TENM4: variants seen among roughly 807,000 people sequenced by gnomAD.
TENM4 encodes teneurin-4.
In TENM4, 82 loss-of-function variants were observed where a neutral mutation model predicts 243.3. The observed-to-expected ratio is 0.34, with a 90% confidence interval of 0.28 to 0.40. TENM4 has a LOEUF of 0.40. TENM4 is among the 10% of genes least tolerant of loss of function. TENM4 has a pLI of 1.00. For missense variants in TENM4, 3,138 were observed against 3,673.3 expected (o/e 0.85, Z 3.77); for synonymous variants, 1,412 against 1,456.3 (o/e 0.97, Z 0.69).
intron 2 of TENM4, among the ~76,000 whole-genome samples, chr11:79,222,708 G>A (rs1864185959): frequency 6.6e-6 from 1 of 152,218 alleles, no homozygotes; most frequent in South Asian, 2.1e-4. Context: ...TGACTGGTGT[G>A]AGATGGTATC....
intron 3 of TENM4, among the ~76,000 whole-genome samples, chr11:79,202,222 T>G (rs1441376014): frequency 2.0e-5 from 3 of 152,126 alleles, no homozygotes; most frequent in Non-Finnish European, 2.9e-5. Context: ...GACTGCCAGG[T>G]CTTCCCTGCT....
intron 18 of TENM4, among the ~76,000 whole-genome samples, chr11:78,764,819 G>T (rs1396065417): frequency 1.3e-5 from 2 of 152,172 alleles, no homozygotes; most frequent in Non-Finnish European, 2.9e-5. Flanking sequence ...GAAGTAGAAG[G>T]GGCTGTGGAA....
At chr11:79,183,658 AG>A (rs902499026) in intron 3 of TENM4, among the ~76,000 whole-genome samples, 14 of 152,166 alleles carry the variant, frequency 9.2e-5, no homozygotes, top group Non-Finnish European at 2.1e-4. Context: ...AGAAGACACA[AG>A]GGGACTCTTG....
chr11:78,968,474 C>T (rs925342144), intron 6 of TENM4, among the ~76,000 whole-genome samples: 2 of 152,050 alleles, frequency 1.3e-5, no homozygotes, highest in South Asian at 2.1e-4. Flanking sequence ...TGGGGACAGA[C>T]GAGGTTTCGC....
intron 24 of TENM4, among the ~76,000 whole-genome samples, chr11:78,721,365 C>T (rs1036723595): frequency 6.6e-6 from 1 of 152,236 alleles, no homozygotes; most frequent in Non-Finnish European, 1.5e-5. Flanking sequence ...ACTAACTCTT[C>T]TCTTTAGGGC....
At chr11:79,123,256 A>G (rs937547213) in intron 4 of TENM4, among the ~76,000 whole-genome samples, 1 of 152,228 alleles carries the variant, frequency 6.6e-6, no homozygotes, top group African/African-American at 2.4e-5. Context: ...GGCGTTATTG[A>G]GCTGGACACT....
rs187303619 is a variant in TENM4, at chr11:78,906,197, G to A, written c.494-2674C>T. Among the ~76,000 whole-genome samples, 299 of 152,274 alleles carry A rather than the reference G, an allele frequency of 2.0e-3. 1 individual carries two copies. The highest frequency in any genetic ancestry group is 6.8e-3 in the Middle Eastern group (2 of 294). ...TAATGTGTGCTTTCAAACCCTTAAC[G>A]TTTCTAATGCTCACAACAACCCTTC... On this transcript the variant is annotated intron_variant, in intron 6 of 33. Transcript: ENST00000278550.
chr11:79,139,774 T>TA lies in TENM4; in HGVS notation c.-66+8935dup, dbSNP rs1862242033. Among the ~76,000 whole-genome samples the TA allele has an allele frequency of 3.1e-4, 11 of 35,940 alleles. 2 individuals carry two copies. Among genetic ancestry groups the TA allele is most frequent in the African/African-American group, 6.4e-4 (7 of 10,862 alleles). 23.6% of individuals were successfully genotyped at this position (35,940 alleles called of 152,430 possible). A position where few individuals can be genotyped will look rare whatever the true frequency, so the allele number is the denominator to read the frequency against. ...AATATATATTATATTTATATAAATA[T>TA]ATAATATATATTATATTTATATAAA... is the stretch of plus-strand genomic sequence containing the variant. On this transcript the variant is annotated intron_variant, in intron 4 of 33. Transcript: ENST00000278550.
intron 27 of TENM4, among the ~76,000 whole-genome samples, chr11:78,704,008 CACACACACACACACACATATATATAT>C (rs1240633410): frequency 1.5e-5 from 2 of 129,832 alleles, no homozygotes; most frequent in East Asian, 2.0e-4. Context: ...TGTGCCACCA[CACACACACACACACACATATATATAT>C]ACACACACAC....
At chr11:78,949,856 G>C (rs1003698783) in intron 6 of TENM4, among the ~76,000 whole-genome samples, 1 of 152,170 alleles carries the variant, frequency 6.6e-6, no homozygotes, top group Non-Finnish European at 1.5e-5. Context: ...GTACAGAACT[G>C]GGTGCAGGGG....
At chr11:79,068,764 G>A (rs190027417) in intron 5 of TENM4, among the ~76,000 whole-genome samples, 1 of 152,310 alleles carries the variant, frequency 6.6e-6, no homozygotes, top group East Asian at 1.9e-4. Context: ...CGAGGCACCA[G>A]GGTAGGAAAG....
intron 1 of TENM4, among the ~76,000 whole-genome samples, chr11:79,391,762 T>C (rs1375532532): frequency 6.6e-6 from 1 of 152,178 alleles, no homozygotes; most frequent in Non-Finnish European, 1.5e-5. Context: ...ATATACAGTA[T>C]ATGCACCCTA....
chr11:79,227,637 C>T, intron 2 of TENM4, among the ~76,000 whole-genome samples: 1 of 152,212 alleles, frequency 6.6e-6, no homozygotes, highest in Middle Eastern at 3.2e-3. Context: ...ATGGGGGACA[C>T]AAAAGCAGGT....
chr11:78,813,512 C>T (rs1857542181), intron 13 of TENM4, among the ~76,000 whole-genome samples: 1 of 152,202 alleles, frequency 6.6e-6, no homozygotes, highest in Non-Finnish European at 1.5e-5. Context: ...TTGCCTAGCA[C>T]AGGACCAATC....
At chr11:79,198,637 T>C (rs1240998136) in intron 3 of TENM4, among the ~76,000 whole-genome samples, 2 of 152,246 alleles carry the variant, frequency 1.3e-5, no homozygotes, top group Admixed American at 6.5e-5. Context: ...AGAGACACCG[T>C]GGCCTTCAAG....
At chr11:79,344,095 C>G (rs1565308134) in intron 1 of TENM4, among the ~76,000 whole-genome samples, 2 of 152,236 alleles carry the variant, frequency 1.3e-5, no homozygotes, top group African/African-American at 2.4e-5. Flanking sequence ...GAACTGCATT[C>G]CATCTACTCC....
chr11:78,805,427 C>G lies in TENM4; in HGVS notation c.2044G>C (p.Val682Leu). ...TCGCAGTTGGTGCCTCCCCATCCCA[C>G]AGAGCAGTGGCATTCGCCTCTCACG... is the stretch of plus-strand genomic sequence containing the variant. Reference protein sequence around the residue: ...VCVRGECHCSVGWGGTNCETP... With the variant: ...VCVRGECHCSLGWGGTNCETP... Residue 682 changes from valine (V) to leucine (L), a missense_variant, in exon 15 of 34, where the codon GTG becomes CTG. Physicochemically the swap from Val to Leu is conservative, Grantham distance 32 (BLOSUM62 1). This residue lies in a region of TENM4 where 2,467 missense variants were observed against 3,059.1 expected (regional missense o/e 0.81). Transcript: ENST00000278550. 1 of 1,602,722 alleles carries G rather than the reference C, an allele frequency of 6.2e-7. No homozygotes were observed.
chr11:79,437,083 C>T (rs1302425591), intron 1 of TENM4, among the ~76,000 whole-genome samples: 1 of 152,254 alleles, frequency 6.6e-6, no homozygotes, highest in Non-Finnish European at 1.5e-5. Flanking sequence ...TCCAGGCAAT[C>T]AGCTCCAACA....
At chr11:78,692,720 G>A (rs374856495) in intron 28 of TENM4, among the ~76,000 whole-genome samples, 4 of 152,124 alleles carry the variant, frequency 2.6e-5, no homozygotes, top group Admixed American at 2.0e-4. Context: ...CTCTCAGCAC[G>A]TCCTTCTTCT....
Sources: allele counts gnomAD v4.1 joint callset (sites outside exome capture counted in the v4.1 genomes callset), GRCh38; gene constraint gnomAD v4.1.1; regional missense constraint gnomAD v4.1.1; transcripts MANE v1.5; gene names NCBI Gene and HGNC (gene_info 2026-07-23, HGNC 2026-07-21).